Variants in PADI4 observed in about 807,000 individuals in gnomAD.
The protein encoded by PADI4 is protein-arginine deiminase type-4.
Under a neutral mutation model 75.0 loss-of-function variants are expected in PADI4, and 62 were observed. That is an observed-to-expected ratio of 0.83 (90% CI 0.67 to 1.02). The LOEUF (loss-of-function observed/expected upper bound fraction) is 1.02. Among genes scored for constraint, PADI4 ranks in the 50% least tolerant of loss-of-function variants. The probability of loss-of-function intolerance (pLI) is 0.00; values close to 1 mark genes in which losing one functional copy is unlikely to be tolerated. For missense variants in PADI4, 845 were observed against 850.5 expected (o/e 0.99, Z 0.08); for synonymous variants, 361 against 348.1 (o/e 1.04, Z -0.41).
chr1:17,316,856 G>A (rs1381519315), intron 1 of PADI4, among the ~76,000 whole-genome samples: 1 of 152,218 alleles, frequency 6.6e-6, no homozygotes, highest in African/African-American at 2.4e-5. Flanking sequence ...GAAGCTGTGG[G>A]ACTGCATGAC....
chr1:17,360,457 A>G (rs1213208743), intron 15 of PADI4, among the ~76,000 whole-genome samples: 3 of 152,134 alleles, frequency 2.0e-5, no homozygotes, highest in East Asian at 3.9e-4. Flanking sequence ...TCCTGTTAGC[A>G]TGGTGCCTTT....
intron 10 of PADI4, among the ~76,000 whole-genome samples, chr1:17,352,644 G>C (rs1440938392): frequency 6.6e-6 from 1 of 152,200 alleles, no homozygotes; most frequent in Non-Finnish European, 1.5e-5. Context: ...TGACAGCAAG[G>C]CTGTGACCTC....
At chr1:17,336,908 G>T (rs570939480) in intron 4 of PADI4, among the ~76,000 whole-genome samples, 1 of 152,260 alleles carries the variant, frequency 6.6e-6, no homozygotes, top group African/African-American at 2.4e-5. Flanking sequence ...ATTTCCCAGG[G>T]GCAAACGCTC....
At chr1:17,323,772 G>T (rs1403225039) in intron 1 of PADI4, among the ~76,000 whole-genome samples, 2 of 152,040 alleles carry the variant, frequency 1.3e-5, no homozygotes, top group African/African-American at 2.4e-5. Context: ...GGCAGAGGTT[G>T]CAGTGAGCTG....
At chr1:17,324,499 T>C (rs2100685605) in intron 1 of PADI4, among the ~76,000 whole-genome samples, 1 of 152,320 alleles carries the variant, frequency 6.6e-6, no homozygotes. Flanking sequence ...TAAATTGATG[T>C]TAATTTTTTA....
intron 15 of PADI4, among the ~76,000 whole-genome samples, chr1:17,360,945 T>C (rs1225603629): frequency 6.6e-6 from 1 of 151,834 alleles, no homozygotes; most frequent in Non-Finnish European, 1.5e-5. Context: ...CTTGATATCA[T>C]CCATTGTGTT....
chr1:17,313,000 G>A (rs1414864340), intron 1 of PADI4, among the ~76,000 whole-genome samples: 1 of 151,862 alleles, frequency 6.6e-6, no homozygotes, highest in Non-Finnish European at 1.5e-5. Flanking sequence ...GACCATCCTG[G>A]CCAACATGGT....
Position 17,336,211 on chromosome 1 carries a change from A to G in PADI4, c.393A>G (p.Arg131=), listed in dbSNP as rs371817002. The change falls in exon 4 of 16, where the codon AGA becomes AGG. Residue 131 remains arginine (R), a synonymous_variant. Coordinates refer to ENST00000375448, the MANE Select transcript of PADI4 (RefSeq NM_012387.3). The part of the protein sequence containing the change: ...ITRTGKVKPT[R]AVKDQRTWTW... Reference sequence around the variant, plus strand: ...GCACCGGCAAAGTGAAGCCAACCAGAGCTGTGAAAGATCAGGTACCACTCA... The same window carrying G: ...GCACCGGCAAAGTGAAGCCAACCAGGGCTGTGAAAGATCAGGTACCACTCA... 43 of 1,613,482 alleles carry G rather than the reference A, an allele frequency of 2.7e-5. No individual in the cohort carries two copies. Among genetic ancestry groups the G allele is most frequent in the Middle Eastern group, 1.6e-4 (1 of 6,082 alleles).
At chr1:17,357,943 A>AC (rs59284861) in intron 13 of PADI4, among the ~76,000 whole-genome samples, 1,439 of 143,442 alleles carry the variant, frequency 0.01, 32 homozygotes, top group African/African-American at 0.035. Context: ...AAAAAAAAAA[A>AC]AAAACAAGAA....
intron 10 of PADI4, among the ~76,000 whole-genome samples, chr1:17,351,217 A>G (rs2074613094): frequency 6.6e-6 from 1 of 150,962 alleles, no homozygotes; most frequent in African/African-American, 2.4e-5. Context: ...AAAAAAAAAA[A>G]AAAGAGCTAC....
At chr1:17,351,703 G>T (rs2074627840) in intron 10 of PADI4, among the ~76,000 whole-genome samples, 1 of 152,122 alleles carries the variant, frequency 6.6e-6, no homozygotes, top group East Asian at 1.9e-4. Flanking sequence ...GATGCTTGAG[G>T]GAGGTGAGCG....
rs113084941 is a variant in PADI4 at position 17,316,085 on chromosome 1, C to T, written c.92+7771C>T. Among the ~76,000 whole-genome samples, 1,008 of 152,124 alleles carry T rather than the reference C, an allele frequency of 6.6e-3. 9 individuals are homozygous for T. The highest frequency in any genetic ancestry group is 0.01 in the Non-Finnish European group (705 of 68,022). On this transcript the variant is annotated intron_variant, in intron 1 of 15. Coordinates refer to ENST00000375448, the MANE Select transcript of PADI4 (RefSeq NM_012387.3). ...CTGATGAGGAGGCTGCCACCCCCAT[C>T]TTCCCATTTATGTCGATAACACTCC...
intron 1 of PADI4, among the ~76,000 whole-genome samples, chr1:17,320,318 G>A (rs1199830409): frequency 2.6e-5 from 4 of 152,210 alleles, no homozygotes; most frequent in Non-Finnish European, 4.4e-5. Flanking sequence ...CCCCAAAAGA[G>A]GGTTCTTGAA....
At chr1:17,318,320 C>T (rs1482061803) in intron 1 of PADI4, among the ~76,000 whole-genome samples, 1 of 152,186 alleles carries the variant, frequency 6.6e-6, no homozygotes, top group African/African-American at 2.4e-5. Context: ...CACTTTGCCT[C>T]TCTGAACCTG....
At chr1:17,334,637 C>G (rs1392790864) in intron 3 of PADI4, 2 of 455,968 alleles carry the variant, frequency 4.4e-6, no homozygotes, top group African/African-American at 2.0e-5. Flanking sequence ...ATATCTATAA[C>G]AAAAAGTAGA....
chr1:17,351,427 C>T (rs888818706), intron 10 of PADI4, among the ~76,000 whole-genome samples: 11 of 101,428 alleles, frequency 1.1e-4, no homozygotes, highest in Admixed American at 2.1e-4. Context: ...CCTGTCTCTA[C>T]AAAAAAAAAA....
intron 10 of PADI4, 25 bp downstream of exon 10, chr1:17,348,073 G>A (rs1399095170): frequency 1.4e-6 from 2 of 1,439,760 alleles, no homozygotes; most frequent in Non-Finnish European, 2.0e-6. Flanking sequence ...TGGGGAGGGG[G>A]CACAGCTGCC....
chr1:17,354,851 T>C (rs1265060287), intron 11 of PADI4, among the ~76,000 whole-genome samples, 164 bp downstream of exon 11: 1 of 152,132 alleles, frequency 6.6e-6, no homozygotes, highest in Admixed American at 6.5e-5. Context: ...ATGCGGGCTT[T>C]GGAGCCCATA....
In PADI4 at chr1:17,331,073, C is replaced by A; in HGVS notation, c.197C>A (p.Ser66Tyr). The A allele has an allele frequency of 6.2e-7, 1 of 1,612,292 alleles. No homozygotes were observed. Among genetic ancestry groups the A allele is most frequent in the Non-Finnish European group, 8.5e-7 (1 of 1,179,210 alleles). Residue 66 changes from serine to tyrosine, a missense_variant, in exon 2 of 16, where the codon TCC (serine) becomes TAC (tyrosine). By Grantham distance (144) the Ser-to-Tyr change is moderately radical. Coordinates refer to ENST00000375448, the MANE Select transcript of PADI4 (RefSeq NM_012387.3). ...PPAKKKSTGSSTWPLDPGVEV... is the reference protein window; with the variant it reads ...PPAKKKSTGSYTWPLDPGVEV... Reference sequence around the variant, plus strand: ...GCCAAGAAGAAATCCACAGGTTCCTCCACATGGCCCCTGGACCCTGGGGTA... The same window carrying A: ...GCCAAGAAGAAATCCACAGGTTCCTACACATGGCCCCTGGACCCTGGGGTA...
Sources: allele counts gnomAD v4.1 joint callset (sites outside exome capture counted in the v4.1 genomes callset), GRCh38; gene constraint gnomAD v4.1.1; transcripts MANE v1.5; gene names NCBI Gene and HGNC (gene_info 2026-07-23, HGNC 2026-07-21).